NEBL: variants seen among roughly 807,000 people sequenced by gnomAD.
NEBL encodes the protein LIM and SH3 protein 2.
NEBL carries 122 observed loss-of-function variants against 140.2 expected under a neutral mutation model. The observed-to-expected ratio is 0.87, with a 90% CI of 0.75 to 1.01. The LOEUF is 1.01. Ranked by LOEUF, NEBL falls within the 50% of genes least tolerant of loss-of-function variation. NEBL has a pLI of 0.00. For synonymous variants in NEBL, 436 were observed against 398.9 expected, an observed-to-expected ratio of 1.09 and a Z score of -1.11; for missense variants, 1,365 against 1,231.3, an observed-to-expected ratio of 1.11 and a Z score of -1.62.
At position 21,229,167 on chromosome 10, in the gene NEBL, T is replaced by C. The variant is rs12246403; in HGVS notation, n.348+18754A>G. On this transcript the variant is annotated intron_variant and non_coding_transcript_variant, in intron 3 of 8. Transcript: ENST00000675702. ...CAGGTGCAATGGCTAACACCTGTAATCCCAGCACTTTGGGAGGCCAAGGCG... is the reference window on the plus strand; with the variant it reads ...CAGGTGCAATGGCTAACACCTGTAACCCCAGCACTTTGGGAGGCCAAGGCG... 1.3e-3 allele frequency among the ~76,000 whole-genome samples: 194 copies of C among 152,286 alleles called. 1 individual carries two copies. Among genetic ancestry groups the C allele is most frequent in the African/African-American group, 4.6e-3 (191 of 41,564 alleles).
chr10:21,239,964 C>T (rs181110743), intron 3 of NEBL, among the ~76,000 whole-genome samples: 2,745 of 151,130 alleles, frequency 0.018, 29 homozygotes, highest in Non-Finnish European at 0.024. Flanking sequence ...TGCAGTGAGC[C>T]GAGATTGCGC....
chr10:21,068,405 C>T (rs1304103283), intron 2 of NEBL, among the ~76,000 whole-genome samples: 2 of 152,182 alleles, frequency 1.3e-5, no homozygotes, highest in East Asian at 1.9e-4. Flanking sequence ...TTTGTACTCT[C>T]CTGGCTACAG....
intron 2 of NEBL, among the ~76,000 whole-genome samples, chr10:21,052,496 C>T (rs1392614630): frequency 6.6e-6 from 1 of 152,198 alleles, no homozygotes; most frequent in African/African-American, 2.4e-5. Flanking sequence ...ACAAAGCCCA[C>T]ACAGTTCAAA....
intron 2 of NEBL, among the ~76,000 whole-genome samples, chr10:21,081,427 G>A (rs1836363984): frequency 6.6e-6 from 1 of 152,120 alleles, no homozygotes; most frequent in Non-Finnish European, 1.5e-5. Context: ...AAAACCAGGA[G>A]CCAGGTTTCT....
chr10:21,073,803 G>A lies in NEBL; in HGVS notation c.165-53602C>T, dbSNP rs546564396. Among the ~76,000 whole-genome samples the A allele has an allele frequency of 2.3e-4, 35 of 151,888 alleles. No homozygotes were observed. The South Asian group carries it at 4.8e-3, about 21-fold the overall frequency. Reference sequence around the variant, plus strand: ...TGAAATGCCTACTATAGCCAGGGGCGGTGGCTCACGCCTGTAATCCCAGCA... The same window carrying A: ...TGAAATGCCTACTATAGCCAGGGGCAGTGGCTCACGCCTGTAATCCCAGCA... On this transcript the variant is annotated intron_variant, in intron 2 of 6. Coordinates refer to the NEBL transcript ENST00000417816.
intron 2 of NEBL, among the ~76,000 whole-genome samples, chr10:21,088,352 T>A (rs967461858): frequency 6.6e-6 from 1 of 152,142 alleles, no homozygotes; most frequent in South Asian, 2.1e-4. Flanking sequence ...ACATTTTAAT[T>A]ATCTGGGTGT....
Position 20,823,220 on chromosome 10 carries a change from C to T in NEBL, c.1950G>A (p.Lys650=). ...PELKRVKENQ[K]NISNLQYKEQ... Reference sequence around the variant, plus strand: ...GAAATATGATCACATTGCTGATGTTCTTCTGGTTTTCTTTAACTCTCTTTA... The same window carrying T: ...GAAATATGATCACATTGCTGATGTTTTTCTGGTTTTCTTTAACTCTCTTTA... Residue 650 remains lysine, a synonymous_variant, in exon 19 of 28, where the codon AAG becomes AAA. Coordinates refer to ENST00000377122, the MANE Select transcript of NEBL (RefSeq NM_006393.3). 6.2e-7 allele frequency: 1 copy of T among 1,604,418 alleles called. No individual in the cohort carries two copies. The highest frequency in any genetic ancestry group is 8.5e-7 in the Non-Finnish European group (1 of 1,174,348).
chr10:21,225,450 G>T (rs1213432783), intron 3 of NEBL, among the ~76,000 whole-genome samples: 2 of 152,186 alleles, frequency 1.3e-5, no homozygotes, highest in African/African-American at 4.8e-5. Context: ...AAGCCAGCCA[G>T]CTTTATGTTC....
At chr10:21,203,943 C>G (rs561934771) in intron 3 of NEBL, among the ~76,000 whole-genome samples, 1 of 152,122 alleles carries the variant, frequency 6.6e-6, no homozygotes, top group African/African-American at 2.4e-5. Context: ...CTTTCCCTGA[C>G]GTCAACAGCA....
chr10:20,878,873 G>A (rs1845754472), intron 5 of NEBL, among the ~76,000 whole-genome samples: 1 of 152,150 alleles, frequency 6.6e-6, no homozygotes, highest in South Asian at 2.1e-4. Flanking sequence ...AGAAGAAAAG[G>A]CAGAGTTAAA....
chr10:20,853,489 G>A (rs1223643565), intron 9 of NEBL, among the ~76,000 whole-genome samples: 4 of 152,118 alleles, frequency 2.6e-5, no homozygotes, highest in Non-Finnish European at 5.9e-5. Context: ...AAAAATGAAC[G>A]AGATCCTGCC....
intron 2 of NEBL, among the ~76,000 whole-genome samples, chr10:21,128,731 G>C (rs554679340): frequency 6.6e-6 from 1 of 152,030 alleles, no homozygotes; most frequent in South Asian, 2.1e-4. Flanking sequence ...AACTTATCCC[G>C]TAATTGTTAA....
chr10:20,935,674 T>A (rs1194709393), intron 4 of NEBL, among the ~76,000 whole-genome samples: 1 of 152,228 alleles, frequency 6.6e-6, no homozygotes, highest in Non-Finnish European at 1.5e-5. Context: ...TACACGGTTT[T>A]CTCCATCCCA....
chr10:20,811,305 G>A (rs1471166404), intron 24 of NEBL, among the ~76,000 whole-genome samples: 4 of 152,112 alleles, frequency 2.6e-5, no homozygotes, highest in South Asian at 2.1e-4. Context: ...TTTTAGCAAC[G>A]ACCTCACCAT....
At chr10:21,125,231 C>G (rs1210258654) in intron 2 of NEBL, among the ~76,000 whole-genome samples, 1 of 151,708 alleles carries the variant, frequency 6.6e-6, no homozygotes, top group African/African-American at 2.4e-5. Context: ...TGCATATACA[C>G]ACACACACAC....
At chr10:21,132,833 T>A (rs1398995775) in intron 2 of NEBL, among the ~76,000 whole-genome samples, 1 of 152,218 alleles carries the variant, frequency 6.6e-6, no homozygotes, top group East Asian at 1.9e-4. Flanking sequence ...GTTACTTGTC[T>A]TTTAATAACT....
At chr10:20,888,645 G>C (rs1432603030) in intron 3 of NEBL, among the ~76,000 whole-genome samples, 1 of 152,154 alleles carries the variant, frequency 6.6e-6, no homozygotes, top group Non-Finnish European at 1.5e-5. Context: ...AGGGGAGTGA[G>C]TGCTTTTTTG....
chr10:20,961,104 T>C (rs1184039842), intron 4 of NEBL, among the ~76,000 whole-genome samples: 1 of 152,186 alleles, frequency 6.6e-6, no homozygotes, highest in Admixed American at 6.6e-5. Flanking sequence ...CTTTAATAAG[T>C]ACTGAATTAA....
intron 5 of NEBL, among the ~76,000 whole-genome samples, chr10:20,876,034 C>T (rs893287632): frequency 6.6e-6 from 1 of 152,178 alleles, no homozygotes; most frequent in African/African-American, 2.4e-5. Context: ...CTAATTCCAT[C>T]TCAAATGATG....
Sources: allele counts gnomAD v4.1 joint callset (sites outside exome capture counted in the v4.1 genomes callset), GRCh38; gene constraint gnomAD v4.1.1; transcripts MANE v1.5; gene names NCBI Gene and HGNC (gene_info 2026-07-23, HGNC 2026-07-21).